The following KIAA1671 variants were observed in gnomAD, a reference collection of about 807,000 sequenced individuals.
KIAA1671 encodes the protein uncharacterized protein KIAA1671.
A neutral mutation model predicts 131.2 loss-of-function variants in KIAA1671; 52 were observed. That is an observed-to-expected ratio of 0.40 (90% CI 0.32 to 0.50). KIAA1671 has a LOEUF of 0.50. KIAA1671 is among the 20% of genes least tolerant of loss of function. The pLI, the probability that KIAA1671 is intolerant of heterozygous loss-of-function variation, is 0.73. For missense variants in KIAA1671, 2,360 were observed against 2,364.2 expected (o/e 1.00, Z 0.04); for synonymous variants, 1,003 against 961.6 (o/e 1.04, Z -0.80).
chr22:24,985,718 G>A (rs965394877), intron 1 of KIAA1671, among the ~76,000 whole-genome samples: 1 of 151,674 alleles, frequency 6.6e-6, no homozygotes, highest in Non-Finnish European at 1.5e-5. Context: ...GAGGGGGAGA[G>A]AGAGAGAGAG....
At chr22:24,987,270 A>C (rs1180988814) in intron 1 of KIAA1671, among the ~76,000 whole-genome samples, 1 of 150,870 alleles carries the variant, frequency 6.6e-6, no homozygotes, top group Non-Finnish European at 1.5e-5. Context: ...TCCCAGGTTC[A>C]CGTCATTCTC....
In KIAA1671 at chr22:25,195,547, C is replaced by G. The variant is rs1455521520; in HGVS notation, c.*3146C>G. On this transcript the variant is annotated 3_prime_UTR_variant, in exon 13 of 13. Coordinates refer to ENST00000358431, the MANE Select transcript of KIAA1671 (RefSeq NM_001145206.2). ...CAGACAATTGTGTTTGCCTTTGTGC[C>G]TCCCTGGAAGGGAGGCCAACTAAGG... 2 of 152,106 alleles carry G rather than the reference C, an allele frequency of 1.3e-5. No homozygotes were observed. 9.4% of individuals were successfully genotyped at this position (152,106 alleles called of 1,614,324 possible).
Position 25,179,269 on chromosome 22 carries a change from C to A in KIAA1671, c.5074+1747C>A, listed in dbSNP as rs1449768632. 8 of 1,551,284 alleles carry A rather than the reference C, an allele frequency of 5.2e-6. No homozygotes were observed. The East Asian group carries it at 1.9e-4, about 38-fold the overall frequency. On this transcript the variant is annotated intron_variant, in intron 9 of 12. Transcript: ENST00000358431. Reference sequence around the variant, plus strand: ...GAACGAAACAAAACCAAAACCCGAACGTGTTCTCTCGCAGGATGGGCGCCG... The same window carrying A: ...GAACGAAACAAAACCAAAACCCGAAAGTGTTCTCTCGCAGGATGGGCGCCG...
intron 1 of KIAA1671, among the ~76,000 whole-genome samples, chr22:25,006,532 A>T (rs1196627111): frequency 1.3e-5 from 2 of 152,114 alleles, no homozygotes; most frequent in Non-Finnish European, 2.9e-5. Context: ...TCAGGCAGCC[A>T]TTCAGCTCAA....
chr22:24,999,163 C>A (rs1924300470), intron 1 of KIAA1671, among the ~76,000 whole-genome samples: 1 of 152,138 alleles, frequency 6.6e-6, no homozygotes, highest in Admixed American at 6.6e-5. Context: ...TAATGCCAGT[C>A]TCTGTAATTT....
intron 1 of KIAA1671, among the ~76,000 whole-genome samples, chr22:25,001,073 A>G (rs1287313957): frequency 6.6e-6 from 1 of 152,084 alleles, no homozygotes; most frequent in Non-Finnish European, 1.5e-5. Context: ...TTAAAAAAAA[A>G]AGAAATACAA....
rs531729251 is a variant in KIAA1671, at chr22:25,153,498, A to G, written c.4531-17322A>G. On this transcript the variant is annotated intron_variant, in intron 6 of 12. Coordinates refer to ENST00000358431, the MANE Select transcript of KIAA1671 (RefSeq NM_001145206.2). ...CACTGGGGGAATCTCACAATATGCAATATACCCATGCATTGCCTTTCTAAA... is the reference window on the plus strand; with the variant it reads ...CACTGGGGGAATCTCACAATATGCAGTATACCCATGCATTGCCTTTCTAAA... Among the ~76,000 whole-genome samples, 42 of 152,336 alleles carry G rather than the reference A, an allele frequency of 2.8e-4. No individual in the cohort carries two copies. In the East Asian group the frequency reaches 6.0e-3, roughly 22 times the overall value.
At chr22:25,042,462 TG>T (rs1167492469) in intron 5 of KIAA1671, among the ~76,000 whole-genome samples, 36 of 114,650 alleles carry the variant, frequency 3.1e-4, no homozygotes, top group Non-Finnish European at 5.4e-4. Context: ...AGCAGTCCCT[TG>T]TTTTTTTTTT....
intron 1 of KIAA1671, among the ~76,000 whole-genome samples, chr22:24,979,688 CATT>C (rs1923127582): frequency 6.6e-6 from 1 of 152,134 alleles, no homozygotes; most frequent in Non-Finnish European, 1.5e-5. Context: ...GGCATAAGTA[CATT>C]CACATTGTTG....
In KIAA1671 at chr22:25,007,496, G is replaced by GA. The variant is rs141806128; in HGVS notation, c.-207-18123dup. 4.1e-3 allele frequency among the ~76,000 whole-genome samples: 577 copies of GA among 140,370 alleles called. 2 individuals are homozygous for GA. Among genetic ancestry groups the GA allele is most frequent in the African/African-American group, 9.4e-3 (363 of 38,688 alleles). The allele number at this position is 140,370 out of a possible 152,430, so 92.1% of individuals were successfully genotyped here. On this transcript the variant is annotated intron_variant, in intron 1 of 12. Coordinates refer to ENST00000358431, the MANE Select transcript of KIAA1671 (RefSeq NM_001145206.2). ...TGAGACTCGGTCTCAAAAAGCAAGG[G>GA]AAAAAAAAAAAAAAGTCTGCTAGTG...
intron 11 of KIAA1671, among the ~76,000 whole-genome samples, chr22:25,189,130 T>TTC (rs1934581160): frequency 6.8e-6 from 1 of 147,302 alleles, no homozygotes; most frequent in Non-Finnish European, 1.5e-5. Context: ...CTTTTTCTTT[T>TTC]TTTTTTTTTT....
chr22:25,185,190 A>T, intron 11 of KIAA1671, 71 bp downstream of exon 11: 3 of 1,432,530 alleles, frequency 2.1e-6, no homozygotes, highest in Non-Finnish European at 2.8e-6. Flanking sequence ...AGGTGCTCGC[A>T]TAGGTTTTAG....
At chr22:24,984,449 C>T (rs1923407782) in intron 1 of KIAA1671, among the ~76,000 whole-genome samples, 1 of 152,184 alleles carries the variant, frequency 6.6e-6, no homozygotes. Flanking sequence ...GTGTCCAGGG[C>T]ACGGGAAATA....
intron 11 of KIAA1671, among the ~76,000 whole-genome samples, chr22:25,189,425 G>A (rs148390077): frequency 1.1e-4 from 17 of 152,072 alleles, no homozygotes; most frequent in South Asian, 2.1e-4. Flanking sequence ...CGCCCAGCTC[G>A]GCCTCCCAAA....
At chr22:25,116,281 C>A (rs11703196) in intron 6 of KIAA1671, among the ~76,000 whole-genome samples, 43,047 of 151,692 alleles carry the variant, frequency 0.28, 6,157 homozygotes, top group Middle Eastern at 0.3. Context: ...CTATGTTGCC[C>A]AGGCTGGTCT....
chr22:25,109,355 G>A (rs1413380488), intron 6 of KIAA1671, among the ~76,000 whole-genome samples: 4 of 151,984 alleles, frequency 2.6e-5, no homozygotes, highest in Admixed American at 6.6e-5. Flanking sequence ...TGATCCACCC[G>A]CCTCGGCCTC....
At chr22:24,970,606 TCTC>T (rs898931494) in intron 1 of KIAA1671, among the ~76,000 whole-genome samples, 7 of 151,906 alleles carry the variant, frequency 4.6e-5, no homozygotes, top group African/African-American at 1.5e-4. Context: ...TCTTCCTCCT[TCTC>T]ATCATCATCA....
chr22:25,085,651 GGT>G (rs1217309822), intron 6 of KIAA1671, among the ~76,000 whole-genome samples: 1 of 151,932 alleles, frequency 6.6e-6, no homozygotes, highest in Non-Finnish European at 1.5e-5. Context: ...TGTGTGAGCT[GGT>G]GTGTCTATGA....
At chr22:25,070,395 GA>G in intron 6 of KIAA1671, 1 of 515,510 alleles carries the variant, frequency 1.9e-6, no homozygotes, top group Non-Finnish European at 3.6e-6. Flanking sequence ...CCAGCCTGCT[GA>G]AGCTCTTGCG....
Sources: gnomAD v4.1 joint callset for allele counts (sites outside exome capture counted in the v4.1 genomes callset) on GRCh38, gnomAD v4.1.1 for gene constraint, MANE v1.5 for transcripts, NCBI Gene and HGNC (gene_info 2026-07-23, HGNC 2026-07-21) for gene names.